The following GOLGA3 variants were observed in gnomAD, a reference collection of about 807,000 sequenced individuals.
GOLGA3 encodes the protein golgin A3.
GOLGA3 carries 75 observed loss-of-function variants against 169.4 expected under a neutral mutation model. That is an observed-to-expected ratio of 0.44 (90% CI 0.37 to 0.54). The LOEUF is 0.54. GOLGA3 is among the 20% of genes least tolerant of loss of function. GOLGA3 has a pLI of 0.00. For synonymous variants in GOLGA3, 824 were observed against 822.4 expected, an observed-to-expected ratio of 1.00 and a Z score of -0.03; for missense variants, 1,899 against 1,930.0, an observed-to-expected ratio of 0.98 and a Z score of 0.30.
chr12:132,788,227 T>G (rs914844883), intron 13 of GOLGA3, among the ~76,000 whole-genome samples: 1 of 152,144 alleles, frequency 6.6e-6, no homozygotes, highest in Non-Finnish European at 1.5e-5. Flanking sequence ...GGCCTCAGCC[T>G]GGCTCCTAAT....
chr12:132,782,893 GAAAAA>G (rs2045685419), intron 16 of GOLGA3, among the ~76,000 whole-genome samples: 1 of 140,254 alleles, frequency 7.1e-6, no homozygotes, highest in Non-Finnish European at 1.6e-5. Flanking sequence ...AAAAAAAAAA[GAAAAA>G]GAAAAGAAAA....
At chr12:132,793,811 A>T (rs1390376490) in intron 11 of GOLGA3, among the ~76,000 whole-genome samples, 3 of 152,246 alleles carry the variant, frequency 2.0e-5, no homozygotes, top group Non-Finnish European at 2.9e-5. Flanking sequence ...TCAGGAATCC[A>T]TGTGTTTGTG....
intron 12 of GOLGA3, among the ~76,000 whole-genome samples, chr12:132,790,175 C>T (rs1053288544): frequency 2.0e-5 from 3 of 148,434 alleles, no homozygotes; most frequent in Non-Finnish European, 4.5e-5. Flanking sequence ...ACTAAAAATG[C>T]AAAAAAAAAT....
chr12:132,818,805 G>A (rs1394307803), intron 2 of GOLGA3, among the ~76,000 whole-genome samples: 3 of 152,098 alleles, frequency 2.0e-5, no homozygotes, highest in Non-Finnish European at 4.4e-5. Flanking sequence ...CACACCACCC[G>A]TGAAGCAGAG....
In GOLGA3 at chr12:132,780,657, G is replaced by A. The variant is rs190805678; in HGVS notation, c.3582+141C>T. On this transcript the variant is annotated intron_variant, in intron 18 of 23. Transcript: ENST00000450791. ...CTACGGACCAGAGCAGGTGCTCTGCGGCCTCCGTCACCAACAACTGCAACA... is the reference window on the plus strand; with the variant it reads ...CTACGGACCAGAGCAGGTGCTCTGCAGCCTCCGTCACCAACAACTGCAACA... 6.3e-4 allele frequency: 426 copies of A among 671,938 alleles called. 1 individual carries two copies. The highest frequency in any genetic ancestry group is 4.1e-3 in the South Asian group (235 of 57,774). The allele number at this position is 671,938 out of a possible 1,614,324, so 41.6% of individuals were successfully genotyped here.
chr12:132,798,563 A>G (rs1593306996), intron 8 of GOLGA3, 86 bp from the exon 9 acceptor site: 2 of 1,232,534 alleles, frequency 1.6e-6, no homozygotes, highest in Non-Finnish European at 2.2e-6. Context: ...CCCCAGGGTG[A>G]GGGTCACTGG....
At chr12:132,799,016 G>A (rs1044685760) in intron 8 of GOLGA3, among the ~76,000 whole-genome samples, 2 of 152,228 alleles carry the variant, frequency 1.3e-5, no homozygotes, top group African/African-American at 4.8e-5. Context: ...GAGGAGGACG[G>A]CGTCAGCCAA....
intron 9 of GOLGA3, among the ~76,000 whole-genome samples, 161 bp downstream of exon 9, chr12:132,798,179 T>TGG (rs5801992): frequency 0.082 from 3,104 of 37,656 alleles, 255 homozygotes; most frequent in Middle Eastern, 0.17. Context: ...GGATGAGGGG[T>TGG]GGGGGGGGGG....
chr12:132,803,606 T>C (rs1949238057), intron 7 of GOLGA3, among the ~76,000 whole-genome samples: 1 of 152,194 alleles, frequency 6.6e-6, no homozygotes, highest in African/African-American at 2.4e-5. Flanking sequence ...AGGGATTGGG[T>C]ATCACGAAAT....
rs755584220 is a variant in GOLGA3 at position 132,774,304 on chromosome 12, C to T, written c.4160G>A (p.Gly1387Asp). The T allele has an allele frequency of 2.5e-6, 4 of 1,612,030 alleles. No homozygotes were observed. Among genetic ancestry groups the T allele is most frequent in the Non-Finnish European group, 3.4e-6 (4 of 1,180,008 alleles). ...GAAKTRKEPK[G>D]EASSSNPATP... The stretch of plus-strand genomic sequence containing the variant: ...GGCAGGGTTGGAAGAGCTGGCCTCG[C>T]CTTTCGGCTCCTTTCTCTGTTTTTA... The change falls in exon 23 of 24, where the codon GGC becomes GAC. Residue 1387 changes from glycine (G) to aspartate (D), a missense_variant. Coordinates refer to ENST00000450791, the MANE Select transcript of GOLGA3 (RefSeq NM_001389683.1).
intron 18 of GOLGA3, among the ~76,000 whole-genome samples, chr12:132,779,664 G>A (rs867695578): frequency 2.6e-5 from 4 of 152,106 alleles, no homozygotes; most frequent in Non-Finnish European, 5.9e-5. Flanking sequence ...GTTATTTCTT[G>A]TGTTCCTCCT....
In GOLGA3 at chr12:132,809,523, G is replaced by GT. The variant is rs1051316510; in HGVS notation, c.520-975dup. ...CTACCGCTGGACCACGATCCGCCTGGTAACGGGCGTCTTCCCGTCTTCCCA... is the reference window on the plus strand; with the variant it reads ...CTACCGCTGGACCACGATCCGCCTGGTTAACGGGCGTCTTCCCGTCTTCCCA... On this transcript the variant is annotated intron_variant, in intron 4 of 23. Transcript: ENST00000450791. Among the ~76,000 whole-genome samples, 9 of 148,464 alleles carry GT rather than the reference G, an allele frequency of 6.1e-5. No homozygotes were observed. In the East Asian group the frequency reaches 8.3e-4, roughly 14 times the overall value.
intron 9 of GOLGA3, among the ~76,000 whole-genome samples, chr12:132,797,214 C>T (rs2136476725): frequency 6.6e-6 from 1 of 152,306 alleles, no homozygotes; most frequent in East Asian, 1.9e-4. Flanking sequence ...CCGGGCAGCC[C>T]AGCTAATGCC....
At chr12:132,796,906 G>A (rs965015858) in intron 9 of GOLGA3, among the ~76,000 whole-genome samples, 2 of 152,174 alleles carry the variant, frequency 1.3e-5, no homozygotes, top group Non-Finnish European at 2.9e-5. Flanking sequence ...CCCAGCCCAG[G>A]CCAGCAACCC....
At chr12:132,786,251 A>G in intron 15 of GOLGA3, 88 bp downstream of exon 15, 1 of 918,042 alleles carries the variant, frequency 1.1e-6, no homozygotes, top group Non-Finnish European at 1.7e-6. Flanking sequence ...CGGCCCCGCT[A>G]GGCTTTAGGG....
chr12:132,784,305 T>C lies in GOLGA3; in HGVS notation c.3126A>G (p.Glu1042=), dbSNP rs768307760. The change falls in exon 16 of 24, where the codon GAA becomes GAG. Residue 1042 remains glutamate, a splice_region_variant and synonymous_variant. Coordinates refer to ENST00000450791, the MANE Select transcript of GOLGA3 (RefSeq NM_001389683.1). ...GCTCCGCCTCCAGGGCCTGGATCCT[T>C]TCCTAAGGGCCAAGATGGAACGGGC... ...GSSDSSLALH[E]RIQALEAELQ... is the part of the protein sequence containing the mutation. 3.1e-6 allele frequency: 5 copies of C among 1,606,140 alleles called. No homozygotes were observed. The highest frequency in any genetic ancestry group is 3.3e-5 in the Admixed American group (2 of 59,920).
intron 7 of GOLGA3, among the ~76,000 whole-genome samples, chr12:132,803,159 T>C (rs914911556): frequency 6.6e-6 from 1 of 152,074 alleles, no homozygotes; most frequent in African/African-American, 2.4e-5. Flanking sequence ...AGCACAAACA[T>C]GTAAACATGG....
At chr12:132,783,171 C>T (rs1200191207) in intron 16 of GOLGA3, among the ~76,000 whole-genome samples, 3 of 146,810 alleles carry the variant, frequency 2.0e-5, no homozygotes, top group Non-Finnish European at 3.0e-5. Context: ...GCCTGAATGA[C>T]AGAGTGAGAC....
chr12:132,805,045 AATG>A, intron 6 of GOLGA3, 23 bp from the exon 7 acceptor site: 1 of 1,595,160 alleles, frequency 6.3e-7, no homozygotes, highest in Non-Finnish European at 8.5e-7. Context: ...CAACAACCAC[AATG>A]ATTTTAAGAA....
Sources: gnomAD v4.1 joint callset for allele counts (sites outside exome capture counted in the v4.1 genomes callset) on GRCh38, gnomAD v4.1.1 for gene constraint, MANE v1.5 for transcripts, NCBI Gene and HGNC (gene_info 2026-07-23, HGNC 2026-07-21) for gene names.